Variants in CEP68 observed in about 807,000 individuals in gnomAD.
CEP68 encodes centrosomal protein 68.
A neutral mutation model predicts 55.3 loss-of-function variants in CEP68; 26 were observed. The observed-to-expected ratio is 0.47, with a 90% CI of 0.34 to 0.65. The LOEUF (loss-of-function observed/expected upper bound fraction) is 0.65, where lower values mean the gene tolerates loss of function less well. Ranked by LOEUF, CEP68 falls within the 30% of genes least tolerant of loss-of-function variation. The pLI is 0.01. For synonymous variants in CEP68, 402 were observed against 383.2 expected, an observed-to-expected ratio of 1.05 and a Z score of -0.57; for missense variants, 957 against 946.7, an observed-to-expected ratio of 1.01 and a Z score of -0.14.
Position 65,072,353 on chromosome 2 carries a change from G to C in CEP68, c.1257G>C (p.Arg419Ser), listed in dbSNP as rs1334021406. 1 of 1,613,854 alleles carries C rather than the reference G, an allele frequency of 6.2e-7. No individual in the cohort carries two copies. ...ARWERREPAL[R>S]GAKDRLTIGK... ...GGGAGCGCAGAGAGCCAGCCCTGAG[G>C]GGTGCGAAGGACCGGCTGACTATAG... is the stretch of plus-strand genomic sequence containing the variant. Residue 419 changes from arginine to serine, a missense_variant, in exon 3 of 7, where the codon AGG (arginine) becomes AGC (serine). Physicochemically the swap from Arg to Ser is moderately radical, Grantham distance 110 (BLOSUM62 -1). Transcript: ENST00000377990.
chr2:65,077,651 C>T (rs1027305228), intron 4 of CEP68, among the ~76,000 whole-genome samples: 1 of 152,178 alleles, frequency 6.6e-6, no homozygotes, highest in Non-Finnish European at 1.5e-5. Flanking sequence ...TGATGTCAAA[C>T]TAAACAGGAA....
At chr2:65,060,882 T>G (rs1190005897) in intron 1 of CEP68, among the ~76,000 whole-genome samples, 1 of 151,916 alleles carries the variant, frequency 6.6e-6, no homozygotes, top group Non-Finnish European at 1.5e-5. Flanking sequence ...TACATCTCTT[T>G]AAAGGCTATC....
rs138848385 is a variant in CEP68 at position 65,069,559 on chromosome 2, G to C, written c.115G>C (p.Gly39Arg). ...RELDIPGPMS[G>R]EQPPRLEAEG... Reference sequence around the variant, plus strand: ...GCTGGACATCCCAGGGCCCATGAGTGGGGAGCAGCCCCCACGCCTGGAAGC... The same window carrying C: ...GCTGGACATCCCAGGGCCCATGAGTCGGGAGCAGCCCCCACGCCTGGAAGC... The change falls in exon 2 of 7, where the codon GGG becomes CGG. Residue 39 changes from glycine to arginine, a missense_variant. By Grantham distance (125) the Gly-to-Arg change is moderately radical. Transcript: ENST00000377990. 3.8e-3 allele frequency: 6,160 copies of C among 1,611,740 alleles called. 15 individuals carry two copies. Among genetic ancestry groups the C allele is most frequent in the Non-Finnish European group, 4.8e-3 (5,654 of 1,178,480 alleles).
At chr2:65,075,403 AAAAC>A (rs1475303101) in intron 4 of CEP68, among the ~76,000 whole-genome samples, 20 of 152,188 alleles carry the variant, frequency 1.3e-4, no homozygotes, top group Non-Finnish European at 2.5e-4. Context: ...ACCGTCTCAA[AAAAC>A]AAACAAAAAC....
intron 1 of CEP68, among the ~76,000 whole-genome samples, chr2:65,057,847 G>C (rs536855014): frequency 1.9e-4 from 29 of 152,112 alleles, no homozygotes; most frequent in African/African-American, 6.5e-4. Flanking sequence ...TGGTGATGGG[G>C]GTCTTGCCAT....
At chr2:65,078,690 C>T (rs1025110832) in intron 5 of CEP68, among the ~76,000 whole-genome samples, 1 of 152,038 alleles carries the variant, frequency 6.6e-6, no homozygotes, top group Admixed American at 6.6e-5. Context: ...TACAGGCATG[C>T]GCCACCATGC....
chr2:65,083,945 A>G lies in CEP68; in HGVS notation c.*311A>G, dbSNP rs1364492618. 1 of 152,188 alleles carries G rather than the reference A, an allele frequency of 6.6e-6. No homozygotes were observed. The highest frequency in any genetic ancestry group is 1.5e-5 in the Non-Finnish European group (1 of 68,038). The allele number at this position is 152,188 out of a possible 1,614,324, so 9.4% of individuals were successfully genotyped here. ...TATCCCATTAAAAAAGAGCAGATAA[A>G]GCTCAAACTATTCCACCTGGTAGGG... On this transcript the variant is annotated 3_prime_UTR_variant, in exon 7 of 7. Transcript: ENST00000377990.
intron 1 of CEP68, among the ~76,000 whole-genome samples, chr2:65,058,066 C>G (rs575648499): frequency 6.6e-6 from 1 of 152,248 alleles, no homozygotes; most frequent in East Asian, 1.9e-4. Flanking sequence ...AATATAGTTC[C>G]TGGCACAAAG....
At chr2:65,079,215 T>C (rs1289890677) in intron 5 of CEP68, among the ~76,000 whole-genome samples, 1 of 152,192 alleles carries the variant, frequency 6.6e-6, no homozygotes, top group Non-Finnish European at 1.5e-5. Context: ...ACCAGCATGG[T>C]GGGCAGGTGC....
chr2:65,059,045 T>G (rs1474632031), intron 1 of CEP68, among the ~76,000 whole-genome samples: 1 of 152,190 alleles, frequency 6.6e-6, no homozygotes, highest in Admixed American at 6.5e-5. Flanking sequence ...GGGCCTCATG[T>G]GGCTGACAAA....
intron 5 of CEP68, among the ~76,000 whole-genome samples, chr2:65,079,812 T>G (rs1439032375): frequency 6.6e-6 from 1 of 152,156 alleles, no homozygotes; most frequent in Non-Finnish European, 1.5e-5. Context: ...CCTGAGCGGC[T>G]CCTCTCTTCA....
At chr2:65,078,932 A>G (rs1455460695) in intron 5 of CEP68, among the ~76,000 whole-genome samples, 1 of 152,200 alleles carries the variant, frequency 6.6e-6, no homozygotes, top group Admixed American at 6.5e-5. Context: ...CTGGGTGCCA[A>G]GGATTTACAG....
chr2:65,069,858 C>G, intron 2 of CEP68, 57 bp downstream of exon 2: 1 of 1,440,432 alleles, frequency 6.9e-7, no homozygotes, highest in Non-Finnish European at 9.7e-7. Flanking sequence ...GGAGTTTGTT[C>G]AGGATTTCCT....
rs755148171 is a variant in CEP68 at position 65,071,954 on chromosome 2, C to T, written c.858C>T (p.Pro286=). 24 of 1,612,938 alleles carry T rather than the reference C, an allele frequency of 1.5e-5. No homozygotes were observed. Among genetic ancestry groups the T allele is most frequent in the African/African-American group, 2.7e-5 (2 of 74,978 alleles). The change falls in exon 3 of 7, where the codon CCC becomes CCT. Residue 286 remains proline (P), a synonymous_variant. Transcript: ENST00000377990. ...TGCCAGATTCCCTGCCTCCATCACC[C>T]GACCGCCACTCCCCTCTCTGGAACC... is the stretch of plus-strand genomic sequence containing the variant. ...CVLPDSLPPS[P]DRHSPLWNPN...
intron 5 of CEP68, among the ~76,000 whole-genome samples, chr2:65,079,813 C>T (rs1676923531): frequency 6.6e-6 from 1 of 152,162 alleles, no homozygotes. Flanking sequence ...CTGAGCGGCT[C>T]CTCTCTTCAC....
At chr2:65,064,747 A>AAG (rs1359895491) in intron 1 of CEP68, among the ~76,000 whole-genome samples, 2 of 151,970 alleles carry the variant, frequency 1.3e-5, no homozygotes, top group African/African-American at 4.8e-5. Flanking sequence ...AAAAAAAAAA[A>AAG]AAAGAAATGG....
At chr2:65,078,016 C>G (rs776481678) in intron 5 of CEP68, 52 bp downstream of exon 5, 4 of 1,414,160 alleles carry the variant, frequency 2.8e-6, no homozygotes, top group Non-Finnish European at 4.0e-6. Flanking sequence ...CTGTCAGCAG[C>G]AGGCCCAGGG....
chr2:65,071,484 G>A lies in CEP68; in HGVS notation c.388G>A (p.Glu130Lys). 6.2e-7 allele frequency: 1 copy of A among 1,614,024 alleles called. No homozygotes were observed. Among genetic ancestry groups the A allele is most frequent in the Non-Finnish European group, 8.5e-7 (1 of 1,179,926 alleles). ...VEKTKLSSSE[E>K]FPQTLSLPRT... ...GAAGACCAAGCTTTCTTCCTCCGAG[G>A]AGTTCCCTCAGACTCTGAGCCTTCC... The change falls in exon 3 of 7, where the codon GAG becomes AAG. Residue 130 changes from glutamate (E) to lysine (K), a missense_variant. Physicochemically the swap from Glu to Lys is moderately conservative, Grantham distance 56. Transcript: ENST00000377990.
intron 5 of CEP68, among the ~76,000 whole-genome samples, chr2:65,081,222 A>G (rs1676997294): frequency 6.6e-6 from 1 of 151,318 alleles, no homozygotes; most frequent in African/African-American, 2.4e-5. Context: ...AAAAAAAAAA[A>G]AAAAGAAACT....
Sources: gnomAD v4.1 joint callset for allele counts (sites outside exome capture counted in the v4.1 genomes callset) on GRCh38, gnomAD v4.1.1 for gene constraint, MANE v1.5 for transcripts, NCBI Gene and HGNC (gene_info 2026-07-23, HGNC 2026-07-21) for gene names.